ITGA8: variants seen among roughly 807,000 people sequenced by gnomAD.
ITGA8 encodes the protein integrin alpha-8.
A neutral mutation model predicts 142.3 loss-of-function variants in ITGA8; 91 were observed. That is an observed-to-expected ratio of 0.64 (90% CI 0.54 to 0.76). The LOEUF is 0.76. Ranked by LOEUF, ITGA8 falls within the 30% of genes least tolerant of loss-of-function variation. ITGA8 has a pLI of 0.00. For missense variants in ITGA8, 1,406 were observed against 1,327.7 expected (o/e 1.06, Z -0.92); for synonymous variants, 505 against 485.2 (o/e 1.04, Z -0.54).
chr10:15,713,186 T>C (rs968357086), intron 2 of ITGA8, among the ~76,000 whole-genome samples: 4 of 152,234 alleles, frequency 2.6e-5, no homozygotes, highest in Non-Finnish European at 4.4e-5. Context: ...GTTGCCTCTG[T>C]CATGCCAACA....
chr10:15,594,805 A>G (rs139210588), intron 21 of ITGA8, among the ~76,000 whole-genome samples: 76 of 152,266 alleles, frequency 5.0e-4, no homozygotes, highest in Admixed American at 9.2e-4. Flanking sequence ...AAAAATGCCA[A>G]AAGAATGATG....
chr10:15,642,247 A>T (rs1833884984), intron 13 of ITGA8, among the ~76,000 whole-genome samples: 2 of 152,122 alleles, frequency 1.3e-5, no homozygotes, highest in East Asian at 3.9e-4. Context: ...ATTCCTGGGG[A>T]GAAAAGTTGA....
chr10:15,703,090 C>G (rs537001890), intron 2 of ITGA8, among the ~76,000 whole-genome samples: 1 of 152,230 alleles, frequency 6.6e-6, no homozygotes, highest in South Asian at 2.1e-4. Context: ...CATATATAAT[C>G]GAATACTATA....
At chr10:15,592,490 C>T (rs540629245) in intron 21 of ITGA8, among the ~76,000 whole-genome samples, 186 bp from the exon 22 acceptor site, 134 of 152,332 alleles carry the variant, frequency 8.8e-4, no homozygotes, top group South Asian at 8.7e-3. Context: ...ATTCAGGTCA[C>T]AGTACAGGTT....
At chr10:15,605,845 CT>C in intron 18 of ITGA8, 54 bp from the exon 19 acceptor site, 1 of 1,526,998 alleles carries the variant, frequency 6.5e-7, no homozygotes, top group Non-Finnish European at 9.1e-7. Flanking sequence ...GATTCACATC[CT>C]TTTTCTTGAA....
Position 15,644,031 on chromosome 10 carries a change from T to C in ITGA8, c.1398A>G (p.Pro466=). 1 of 1,610,490 alleles carries C rather than the reference T, an allele frequency of 6.2e-7. No individual in the cohort carries two copies. Among genetic ancestry groups the C allele is most frequent in the Non-Finnish European group, 8.5e-7 (1 of 1,177,408 alleles). Residue 466 remains proline (P), a splice_region_variant and synonymous_variant, in exon 13 of 30, where the codon CCA becomes CCG. Transcript: ENST00000378076. ...GDSDIDKNDY[P]DLIVGAFGTG... ...GTGGGAAAAGAAAGAAAACCTTACC[T>C]GGGTAATCATTCTTGTCTATGTCTG...
At chr10:15,642,515 T>C (rs150067221) in intron 13 of ITGA8, among the ~76,000 whole-genome samples, 2 of 152,332 alleles carry the variant, frequency 1.3e-5, no homozygotes, top group African/African-American at 4.8e-5. Flanking sequence ...ATTTTTGGGG[T>C]AGGAATTACA....
rs540003546 is a variant in ITGA8, at chr10:15,549,842, C to T, written c.2767-1274G>A. On this transcript the variant is annotated intron_variant, in intron 26 of 29. Transcript: ENST00000378076. ...AACATTTTTCAAGATCCTCAGAATT[C>T]TCTGCAAAGGGGTTAGTAATATATT... is the stretch of plus-strand genomic sequence containing the variant. Among the ~76,000 whole-genome samples, 18 of 152,282 alleles carry T rather than the reference C, an allele frequency of 1.2e-4. No individual in the cohort carries two copies. In the South Asian group the frequency reaches 3.5e-3, roughly 30 times the overall value.
At position 15,671,726 on chromosome 10, in the gene ITGA8, G is replaced by A. The variant is rs371461747; in HGVS notation, c.803-79C>T. 8.4e-6 allele frequency: 9 copies of A among 1,073,910 alleles called. No individual in the cohort carries two copies. In the African/African-American group the frequency reaches 9.2e-5, roughly 11 times the overall value. The allele number at this position is 1,073,910 out of a possible 1,614,324, so 66.5% of individuals were successfully genotyped here. On this transcript the variant is annotated intron_variant, in intron 7 of 29. Coordinates refer to ENST00000378076, the MANE Select transcript of ITGA8 (RefSeq NM_003638.3). ...AGTTATATCTAGAAAAAGGTGAAAG[G>A]GCTACCATGGTACTGCTTTATTTAG... is the stretch of plus-strand genomic sequence containing the variant.
At chr10:15,522,993 T>G (rs4750666) in intron 28 of ITGA8, among the ~76,000 whole-genome samples, 143,109 of 152,008 alleles carry the variant, frequency 0.94, 67,837 homozygotes, top group Non-Finnish European at 1. Context: ...CTCCGTCTGG[T>G]TGACAGAGCC....
Position 15,719,855 on chromosome 10 carries a change from C to G in ITGA8, c.-84G>C. The G allele has an allele frequency of 1.9e-6, 2 of 1,043,062 alleles. No individual in the cohort carries two copies. Among genetic ancestry groups the G allele is most frequent in the Non-Finnish European group, 2.5e-6 (2 of 800,912 alleles). The allele number at this position is 1,043,062 out of a possible 1,614,324, so 64.6% of individuals were successfully genotyped here. On this transcript the variant is annotated 5_prime_UTR_variant, in exon 1 of 30. Transcript: ENST00000378076. ...GGCAAGGGGGGCTGGTGGAATCTGG[C>G]GGTCCCCAGCTGCCCGTGTCCCGGG...
At chr10:15,625,968 A>T (rs1588683135) in intron 13 of ITGA8, among the ~76,000 whole-genome samples, 1 of 152,196 alleles carries the variant, frequency 6.6e-6, no homozygotes, top group South Asian at 2.1e-4. Context: ...AGAAAAGGCT[A>T]CCTGGGACTA....
At chr10:15,683,447 A>C (rs1834779489) in intron 4 of ITGA8, among the ~76,000 whole-genome samples, 1 of 152,220 alleles carries the variant, frequency 6.6e-6, no homozygotes, top group Non-Finnish European at 1.5e-5. Context: ...GCTTGGCTGC[A>C]AGATTCCTAG....
intron 2 of ITGA8, among the ~76,000 whole-genome samples, chr10:15,696,820 G>A (rs539365722): frequency 7.3e-5 from 10 of 137,102 alleles, no homozygotes; most frequent in African/African-American, 2.5e-4. Flanking sequence ...TAGTGCCACC[G>A]CACTCCAGCC....
Position 15,516,658 on chromosome 10 carries a change from G to A in ITGA8, c.*500C>T, listed in dbSNP as rs1832964995. 1 of 152,292 alleles carries A rather than the reference G, an allele frequency of 6.6e-6. No individual in the cohort carries two copies. Among genetic ancestry groups the A allele is most frequent in the African/African-American group, 2.4e-5 (1 of 41,436 alleles). 9.4% of individuals were successfully genotyped at this position (152,292 alleles called of 1,614,324 possible). Reference sequence around the variant, plus strand: ...AACAACATATTGCTTGTCTCCCTGAGCCATAATGTCCTTAGAAATGTTTCT... The same window carrying A: ...AACAACATATTGCTTGTCTCCCTGAACCATAATGTCCTTAGAAATGTTTCT... On this transcript the variant is annotated 3_prime_UTR_variant, in exon 30 of 30. Coordinates refer to ENST00000378076, the MANE Select transcript of ITGA8 (RefSeq NM_003638.3).
chr10:15,553,542 C>T (rs948511698), intron 26 of ITGA8, among the ~76,000 whole-genome samples: 3 of 152,104 alleles, frequency 2.0e-5, no homozygotes, highest in Non-Finnish European at 4.4e-5. Flanking sequence ...GCATTAAGTA[C>T]GTTCACAATG....
intron 2 of ITGA8, among the ~76,000 whole-genome samples, chr10:15,714,549 C>A (rs1227784912): frequency 2.6e-5 from 4 of 152,156 alleles, no homozygotes; most frequent in Non-Finnish European, 5.9e-5. Context: ...CTACTCTTTG[C>A]ATCTCCCCCA....
chr10:15,530,175 C>T (rs1833259396), intron 28 of ITGA8, among the ~76,000 whole-genome samples: 1 of 152,158 alleles, frequency 6.6e-6, no homozygotes, highest in Non-Finnish European at 1.5e-5. Flanking sequence ...CATGGCCTTG[C>T]CAGGTTGCAG....
chr10:15,670,302 A>G (rs1834487576), intron 8 of ITGA8, among the ~76,000 whole-genome samples: 1 of 152,206 alleles, frequency 6.6e-6, no homozygotes, highest in African/African-American at 2.4e-5. Context: ...GTATCTAAGT[A>G]TTCCTCATGC....
Sources: allele counts gnomAD v4.1 joint callset (sites outside exome capture counted in the v4.1 genomes callset), GRCh38; gene constraint gnomAD v4.1.1; transcripts MANE v1.5; gene names NCBI Gene and HGNC (gene_info 2026-07-23, HGNC 2026-07-21).